FYTTD1: variants seen among roughly 807,000 people sequenced by gnomAD.
The protein encoded by FYTTD1 is forty-two-three domain containing 1.
Under a neutral mutation model 40.9 loss-of-function variants are expected in FYTTD1, and 22 were observed. The observed-to-expected ratio is 0.54, with a 90% CI of 0.38 to 0.77. The LOEUF is 0.77. Ranked by LOEUF, FYTTD1 falls within the 30% of genes least tolerant of loss-of-function variation. The pLI is 0.00. For synonymous variants in FYTTD1, 140 were observed against 137.9 expected, an observed-to-expected ratio of 1.01 and a Z score of -0.10; for missense variants, 351 against 392.2, an observed-to-expected ratio of 0.90 and a Z score of 0.89.
chr3:197,761,621 C>T (rs528906679), intron 2 of FYTTD1, among the ~76,000 whole-genome samples: 3 of 152,184 alleles, frequency 2.0e-5, no homozygotes, highest in South Asian at 2.1e-4. Flanking sequence ...TAGAGTTGTT[C>T]TTCAGTGGTG....
At chr3:197,760,020 T>C (rs1219580977) in intron 2 of FYTTD1, among the ~76,000 whole-genome samples, 1 of 151,512 alleles carries the variant, frequency 6.6e-6, no homozygotes, top group Admixed American at 6.6e-5. Context: ...TCTTCAGTGG[T>C]AGAATGTATG....
intron 2 of FYTTD1, among the ~76,000 whole-genome samples, chr3:197,763,061 A>T (rs1310655733): frequency 1.3e-5 from 2 of 152,152 alleles, no homozygotes; most frequent in African/African-American, 4.8e-5. Context: ...TGTTTACCCT[A>T]TGTGTAATGA....
At chr3:197,774,446 G>T (rs987138497) in intron 6 of FYTTD1, among the ~76,000 whole-genome samples, 2 of 152,192 alleles carry the variant, frequency 1.3e-5, no homozygotes, top group African/African-American at 2.4e-5. Flanking sequence ...TGTCACCTGT[G>T]TATCGCCACT....
upstream of FYTTD1, chr3:197,749,731 G>A: frequency 1.6e-6 from 1 of 617,212 alleles, no homozygotes. Context: ...GCCTAGCACA[G>A]CGGCTGCAAT....
At position 197,766,617 on chromosome 3, in the gene FYTTD1, A is replaced by AT. The variant is rs1475597780; in HGVS notation, c.236-1816dup. ...GCCACTGCACCTGGCTAATTTTTGTATTTTTTCTAGAGATGGGGTGTCGCC... is the reference window on the plus strand; with the variant it reads ...GCCACTGCACCTGGCTAATTTTTGTATTTTTTTCTAGAGATGGGGTGTCGCC... On this transcript the variant is annotated intron_variant, in intron 2 of 8. Transcript: ENST00000241502. Among the ~76,000 whole-genome samples the AT allele has an allele frequency of 7.3e-5, 11 of 151,364 alleles. No homozygotes were observed. In the East Asian group the frequency reaches 2.1e-3, roughly 29 times the overall value.
At chr3:197,752,842 C>A (rs1312163388) in intron 1 of FYTTD1, among the ~76,000 whole-genome samples, 1 of 152,134 alleles carries the variant, frequency 6.6e-6, no homozygotes, top group African/African-American at 2.4e-5. Flanking sequence ...AAGTAACTTG[C>A]TCGAAGTCAT....
intron 2 of FYTTD1, among the ~76,000 whole-genome samples, chr3:197,766,195 T>G (rs1473717468): frequency 6.7e-6 from 1 of 150,014 alleles, no homozygotes; most frequent in Non-Finnish European, 1.5e-5. Context: ...TGCTTTACTG[T>G]TTAACCTAGC....
chr3:197,758,053 G>A (rs1473443449), intron 2 of FYTTD1, among the ~76,000 whole-genome samples: 2 of 152,108 alleles, frequency 1.3e-5, no homozygotes, highest in South Asian at 2.1e-4. Context: ...ACAGGCATGC[G>A]CCACCATGCC....
chr3:197,749,953 C>G lies in FYTTD1; in HGVS notation c.-19C>G. The G allele has an allele frequency of 4.6e-6, 7 of 1,536,786 alleles. No homozygotes were observed. The highest frequency in any genetic ancestry group is 6.2e-6 in the Non-Finnish European group (7 of 1,134,844). Reference sequence around the variant, plus strand: ...CTCCGGCCTTGTCCGCGCCCGCTCTCGGCGCGACGTCTCCAGCCATGAACC... The same window carrying G: ...CTCCGGCCTTGTCCGCGCCCGCTCTGGGCGCGACGTCTCCAGCCATGAACC... On this transcript the variant is annotated 5_prime_UTR_variant, in exon 1 of 9. Transcript: ENST00000241502.
At chr3:197,758,114 G>A (rs1729261461) in intron 2 of FYTTD1, among the ~76,000 whole-genome samples, 1 of 151,814 alleles carries the variant, frequency 6.6e-6, no homozygotes, top group African/African-American at 2.4e-5. Flanking sequence ...CGTTGGTCAG[G>A]CTGGTCTCGA....
At chr3:197,752,680 T>C (rs1350654700) in intron 1 of FYTTD1, among the ~76,000 whole-genome samples, 1 of 152,174 alleles carries the variant, frequency 6.6e-6, no homozygotes, top group African/African-American at 2.4e-5. Context: ...GGCTTTGTTA[T>C]TTTTATACAT....
intron 2 of FYTTD1, among the ~76,000 whole-genome samples, chr3:197,760,227 T>TTGTTCTTCAGTGGTAGAACGTATAGAG: frequency 7.4e-6 from 1 of 135,836 alleles, no homozygotes; most frequent in Admixed American, 7.4e-5. Flanking sequence ...ACGTATAGAA[T>TTGTTCTTCAGTGGTAGAACGTATAGAG]TGTTCTTCAG....
chr3:197,761,963 A>T (rs1297304926), intron 2 of FYTTD1, among the ~76,000 whole-genome samples: 1 of 152,166 alleles, frequency 6.6e-6, no homozygotes, highest in Non-Finnish European at 1.5e-5. Context: ...GGTTCTGGTG[A>T]GAGTTCTCTT....
rs771702987 is a variant in FYTTD1, at chr3:197,770,136, T to C, written c.389T>C (p.Ile130Thr). 1.3e-6 allele frequency: 2 copies of C among 1,588,128 alleles called. No individual in the cohort carries two copies. The highest frequency in any genetic ancestry group is 1.7e-6 in the Non-Finnish European group (2 of 1,159,116). The change falls in exon 4 of 9, where the codon ATA becomes ACA. Residue 130 changes from isoleucine (I) to threonine (T), a missense_variant. Physicochemically the swap from Ile to Thr is moderately conservative, Grantham distance 89. Transcript: ENST00000241502. ...MNRPPLSDKN[I>T]EQYFPVLKRK... ...TAATTTCTTGCCTTCTGATAGAATA[T>C]AGAACAATATTTTCCAGTGTTAAAA... is the stretch of plus-strand genomic sequence containing the variant.
At chr3:197,773,726 C>A (rs1223984343) in intron 5 of FYTTD1, among the ~76,000 whole-genome samples, 1 of 152,248 alleles carries the variant, frequency 6.6e-6, no homozygotes, top group East Asian at 1.9e-4. Flanking sequence ...TGGGAATAAA[C>A]CTGTATTTGC....
chr3:197,773,619 A>T, intron 5 of FYTTD1, 120 bp downstream of exon 5: 1 of 605,012 alleles, frequency 1.7e-6, no homozygotes, highest in Non-Finnish European at 2.9e-6. Flanking sequence ...GATGTGAGGC[A>T]CGTGGTAGTA....
chr3:197,750,227 G>T (rs1005685948), intron 1 of FYTTD1, 153 bp downstream of exon 1: 31 of 823,732 alleles, frequency 3.8e-5, no homozygotes, highest in Non-Finnish European at 5.3e-5. Context: ...GAGGACAGCC[G>T]GGAGCGCAGG....
At chr3:197,773,633 T>C (rs189663853) in intron 5 of FYTTD1, 134 bp downstream of exon 5, 3 of 577,388 alleles carry the variant, frequency 5.2e-6, no homozygotes, top group Middle Eastern at 2.6e-4. Context: ...GGTAGTAGAT[T>C]AGTTCTTCCT....
chr3:197,749,930 C>A lies in FYTTD1; in HGVS notation c.-42C>A. The A allele has an allele frequency of 7.2e-7, 1 of 1,389,740 alleles. No individual in the cohort carries two copies. Among genetic ancestry groups the A allele is most frequent in the South Asian group, 1.3e-5 (1 of 77,558 alleles). 86.1% of individuals were successfully genotyped at this position (1,389,740 alleles called of 1,614,324 possible). On this transcript the variant is annotated 5_prime_UTR_variant, in exon 1 of 9. Coordinates refer to ENST00000241502, the MANE Select transcript of FYTTD1 (RefSeq NM_032288.7). ...AGTGGGAGGTGGCAGGCCTGCGACT[C>A]CGGCCTTGTCCGCGCCCGCTCTCGG... is the stretch of plus-strand genomic sequence containing the variant.
Sources: allele counts gnomAD v4.1 joint callset (sites outside exome capture counted in the v4.1 genomes callset), GRCh38; gene constraint gnomAD v4.1.1; transcripts MANE v1.5; gene names NCBI Gene and HGNC (gene_info 2026-07-23, HGNC 2026-07-21).